DRAXIN: variants seen among roughly 807,000 people sequenced by gnomAD.
DRAXIN encodes the protein dorsal inhibitory axon guidance protein.
A neutral mutation model predicts 33.9 loss-of-function variants in DRAXIN; 27 were observed. The observed-to-expected ratio is 0.80, with a 90% CI of 0.59 to 1.10. The LOEUF (loss-of-function observed/expected upper bound fraction) is 1.10. Ranked by LOEUF, DRAXIN falls within the 50% of genes least tolerant of loss-of-function variation. The pLI, the probability that DRAXIN is intolerant of heterozygous loss-of-function variation, is 0.00. For synonymous variants in DRAXIN, 178 were observed against 194.0 expected, an observed-to-expected ratio of 0.92 and a Z score of 0.69; for missense variants, 371 against 460.8, an observed-to-expected ratio of 0.81 and a Z score of 1.78.
At position 11,722,350 on chromosome 1, in the gene DRAXIN, G is replaced by T. The variant is rs1046784269; in HGVS notation, c.*2654G>T. 1.3e-5 allele frequency: 2 copies of T among 152,182 alleles called. No individual in the cohort carries two copies. Among genetic ancestry groups the T allele is most frequent in the African/African-American group, 4.8e-5 (2 of 41,422 alleles). The allele number at this position is 152,182 out of a possible 1,614,324, so 9.4% of individuals were successfully genotyped here. A position where few individuals can be genotyped will look rare whatever the true frequency, so the allele number is the denominator to read the frequency against. Reference sequence around the variant, plus strand: ...GACATCAGCCATGGAGAACACAGAGGGTCAGGACAAAGCTAAAATGCCCAT... The same window carrying T: ...GACATCAGCCATGGAGAACACAGAGTGTCAGGACAAAGCTAAAATGCCCAT... On this transcript the variant is annotated 3_prime_UTR_variant, in exon 7 of 7. Transcript: ENST00000294485.
intron 6 of DRAXIN, among the ~76,000 whole-genome samples, chr1:11,716,712 A>G (rs1570320684): frequency 6.6e-6 from 1 of 152,138 alleles, no homozygotes; most frequent in Admixed American, 6.6e-5. Flanking sequence ...TCACTCTGTC[A>G]CCCAGGCTGG....
Position 11,706,675 on chromosome 1 carries a change from C to G in DRAXIN, c.417C>G (p.His139Gln). The G allele has an allele frequency of 6.3e-7, 1 of 1,594,688 alleles. No homozygotes were observed. Among genetic ancestry groups the G allele is most frequent in the Non-Finnish European group, 8.5e-7 (1 of 1,177,368 alleles). ...WERTRKRSRE[H>Q]KRRRDRLRLH... Reference sequence around the variant, plus strand: ...GGACCAGGAAACGCAGCAGGGAGCACAAGAGACGCAGGGACAGGTTGAGGC... The same window carrying G: ...GGACCAGGAAACGCAGCAGGGAGCAGAAGAGACGCAGGGACAGGTTGAGGC... The change falls in exon 2 of 7, where the codon CAC (histidine) becomes CAG (glutamine). Residue 139 changes from histidine to glutamine, a missense_variant. Coordinates refer to ENST00000294485, the MANE Select transcript of DRAXIN (RefSeq NM_198545.4). The surrounding 1 kb of genome is among the most constrained non-coding windows in gnomAD (Gnocchi z 5.5).
rs147557624 is a variant in DRAXIN, at chr1:11,705,795, T to C, written c.-10-454T>C. 2.7e-3 allele frequency among the ~76,000 whole-genome samples: 409 copies of C among 152,316 alleles called. 1 individual carries two copies. Among genetic ancestry groups the C allele is most frequent in the African/African-American group, 9.5e-3 (393 of 41,568 alleles). On this transcript the variant is annotated intron_variant, in intron 1 of 6. Transcript: ENST00000294485. This position sits in a 1 kb window ranked among gnomAD's most constrained non-coding sequence, Gnocchi z 4.8. Reference sequence around the variant, plus strand: ...CGCTCAAACGCTATTATTCCATTTGTATGGAATTAGGCTCCGAGTCAAGTC... The same window carrying C: ...CGCTCAAACGCTATTATTCCATTTGCATGGAATTAGGCTCCGAGTCAAGTC...
chr1:11,698,190 G>A (rs1246086194), intron 1 of DRAXIN, among the ~76,000 whole-genome samples: 1 of 152,218 alleles, frequency 6.6e-6, no homozygotes, highest in Non-Finnish European at 1.5e-5. Flanking sequence ...GGGATCAGGA[G>A]GGGGGTTAGA....
chr1:11,704,433 A>G lies in DRAXIN; in HGVS notation c.-10-1816A>G, dbSNP rs1641347847. 1.3e-5 allele frequency among the ~76,000 whole-genome samples: 2 copies of G among 150,870 alleles called. No homozygotes were observed. Among genetic ancestry groups the G allele is most frequent in the African/African-American group, 4.8e-5 (2 of 41,416 alleles). ...ATTGAGGTTCCCTCTGCGCCGAACA[A>G]TGCTTGAGTGACAGGCCTTTAAAAT... On this transcript the variant is annotated intron_variant, in intron 1 of 6. Coordinates refer to ENST00000294485, the MANE Select transcript of DRAXIN (RefSeq NM_198545.4). This position sits in a 1 kb window ranked among gnomAD's most constrained non-coding sequence, Gnocchi z 4.6.
Position 11,706,565 on chromosome 1 carries a change from G to A in DRAXIN, c.307G>A (p.Ala103Thr), listed in dbSNP as rs759597078. 6.2e-7 allele frequency: 1 copy of A among 1,610,116 alleles called. No homozygotes were observed. Among genetic ancestry groups the A allele is most frequent in the African/African-American group, 1.3e-5 (1 of 74,888 alleles). The change falls in exon 2 of 7, where the codon GCA becomes ACA. Residue 103 changes from alanine (A) to threonine (T), a missense_variant. By Grantham distance (58) the Ala-to-Thr change is moderately conservative (BLOSUM62 0). Transcript: ENST00000294485. The surrounding 1 kb of genome is among the most constrained non-coding windows in gnomAD (Gnocchi z 5.5). ...GGGGCTGCTGCCTGAGCAGAGTCCT[G>A]CAGGCCTGCTGCAGGACAAGGACCT... is the stretch of plus-strand genomic sequence containing the variant. Reference protein sequence around the residue: ...AEGLLPEQSPAGLLQDKDLLL... With the variant: ...AEGLLPEQSPTGLLQDKDLLL...
rs1055760824 is a variant in DRAXIN at position 11,712,484 on chromosome 1, G to A, written c.847+55G>A. ...CAGGCTGGGTACTGGGAGGGAACCTGGGTGGGAGTGGGGGTTCCCACATGT... is the reference window on the plus strand; with the variant it reads ...CAGGCTGGGTACTGGGAGGGAACCTAGGTGGGAGTGGGGGTTCCCACATGT... On this transcript the variant is annotated intron_variant, in intron 5 of 6. Coordinates refer to ENST00000294485, the MANE Select transcript of DRAXIN (RefSeq NM_198545.4). 9 of 1,585,282 alleles carry A rather than the reference G, an allele frequency of 5.7e-6. No homozygotes were observed. The African/African-American group carries it at 9.4e-5, about 17-fold the overall frequency.
At chr1:11,702,895 A>G (rs1641320690) in intron 1 of DRAXIN, among the ~76,000 whole-genome samples, 1 of 152,158 alleles carries the variant, frequency 6.6e-6, no homozygotes, top group Non-Finnish European at 1.5e-5. Context: ...GGCGCATGCC[A>G]TCATGCACGT....
chr1:11,719,520 G>A, intron 6 of DRAXIN, 64 bp from the exon 7 acceptor site: 15 of 1,427,888 alleles, frequency 1.1e-5, no homozygotes, highest in Non-Finnish European at 1.4e-5. Context: ...CGAGCGTGCA[G>A]GGGAAGGAAG....
At chr1:11,697,778 C>CAG (rs1641213803) in intron 1 of DRAXIN, among the ~76,000 whole-genome samples, 1 of 152,174 alleles carries the variant, frequency 6.6e-6, no homozygotes, top group South Asian at 2.1e-4. Flanking sequence ...GAGCAAAAGG[C>CAG]AGAGCTCTGT....
At chr1:11,703,837 T>C (rs1360881596) in intron 1 of DRAXIN, among the ~76,000 whole-genome samples, 1 of 152,134 alleles carries the variant, frequency 6.6e-6, no homozygotes, top group Non-Finnish European at 1.5e-5. Flanking sequence ...GTACTGTGAA[T>C]GGACCCACAG....
intron 3 of DRAXIN, 115 bp from the exon 4 acceptor site, chr1:11,711,736 C>A: frequency 1.1e-6 from 1 of 924,798 alleles, no homozygotes. Flanking sequence ...GGCTGCCCAG[C>A]AGAGGATAAG....
chr1:11,699,504 T>A (rs1641239249), intron 1 of DRAXIN, among the ~76,000 whole-genome samples: 1 of 152,194 alleles, frequency 6.6e-6, no homozygotes, highest in Non-Finnish European at 1.5e-5. Flanking sequence ...TAAAAAAATT[T>A]TTTTTTAGAG....
chr1:11,706,672 G>A lies in DRAXIN; in HGVS notation c.414G>A (p.Glu138=). ...AGAGGACCAGGAAACGCAGCAGGGA[G>A]CACAAGAGACGCAGGGACAGGTTGA... is the stretch of plus-strand genomic sequence containing the variant. ...GWERTRKRSR[E]HKRRRDRLRL... Residue 138 remains glutamate (E), a synonymous_variant, in exon 2 of 7, where the codon GAG becomes GAA. Transcript: ENST00000294485. The surrounding 1 kb of genome is among the most constrained non-coding windows in gnomAD (Gnocchi z 5.5). 1 of 1,595,782 alleles carries A rather than the reference G, an allele frequency of 6.3e-7. No homozygotes were observed. The highest frequency in any genetic ancestry group is 8.5e-7 in the Non-Finnish European group (1 of 1,177,774).
At chr1:11,695,452 G>A (rs1641175799) in intron 1 of DRAXIN, among the ~76,000 whole-genome samples, 1 of 151,816 alleles carries the variant, frequency 6.6e-6, no homozygotes, top group Non-Finnish European at 1.5e-5. Context: ...TGGGAAGTGT[G>A]GTGCACGCCT....
In DRAXIN at chr1:11,692,135, ACT is replaced by A. The variant is rs916285652; in HGVS notation, c.-11+284_-11+285del. 4.0e-5 allele frequency among the ~76,000 whole-genome samples: 6 copies of A among 150,480 alleles called. No homozygotes were observed. Among genetic ancestry groups the A allele is most frequent in the Non-Finnish European group, 7.4e-5 (5 of 67,584 alleles). ...GACGCCCACTTTTCCACGCTCTGAC[ACT>A]CGGCCTCGCGCGCGCCCTCGCCGCC... On this transcript the variant is annotated intron_variant, in intron 1 of 6. Transcript: ENST00000294485. This position sits in a 1 kb window ranked among gnomAD's most constrained non-coding sequence, Gnocchi z 5.8.
chr1:11,715,040 T>C (rs752737409), intron 5 of DRAXIN, 79 bp from the exon 6 acceptor site: 2 of 1,532,272 alleles, frequency 1.3e-6, no homozygotes, highest in Non-Finnish European at 1.8e-6. Context: ...ATGGATCTCT[T>C]GTCCAGTGGG....
intron 3 of DRAXIN, among the ~76,000 whole-genome samples, chr1:11,710,785 T>C (rs1346623087): frequency 6.8e-6 from 1 of 146,736 alleles, no homozygotes; most frequent in Non-Finnish European, 1.5e-5. Flanking sequence ...TAGCCGGGCA[T>C]AGTGGCAGGC....
At position 11,720,684 on chromosome 1, in the gene DRAXIN, C is replaced by CAG. The variant is rs1641648742; in HGVS notation, c.*988_*989insAG. ...AACGCGAGGCTGCTGGCCCAGGGAC[C>CAG]CACTGAGAGGTCCTGGGAAGTACAT... On this transcript the variant is annotated 3_prime_UTR_variant, in exon 7 of 7. Transcript: ENST00000294485. 6.6e-6 allele frequency: 1 copy of CAG among 151,524 alleles called. No individual in the cohort carries two copies. The highest frequency in any genetic ancestry group is 2.4e-5 in the African/African-American group (1 of 41,172). 9.4% of individuals were successfully genotyped at this position (151,524 alleles called of 1,614,324 possible). A position where few individuals can be genotyped will look rare whatever the true frequency, so the allele number is the denominator to read the frequency against.
Sources: gnomAD v4.1 joint callset for allele counts (sites outside exome capture counted in the v4.1 genomes callset) on GRCh38, gnomAD v4.1.1 for gene constraint, Gnocchi (gnomAD v3.1) non-coding constraint, MANE v1.5 for transcripts, NCBI Gene and HGNC (gene_info 2026-07-23, HGNC 2026-07-21) for gene names.